The following PAPOLG variants were observed in gnomAD, a reference collection of about 807,000 sequenced individuals.
PAPOLG encodes PAP-gamma.
A neutral mutation model predicts 99.0 loss-of-function variants in PAPOLG; 40 were observed. The ratio of observed to expected loss-of-function variants is 0.40; its 90% CI spans 0.31 to 0.53. The LOEUF (loss-of-function observed/expected upper bound fraction) is 0.53, where lower values mean the gene tolerates loss of function less well. Ranked by LOEUF, PAPOLG falls within the 20% of genes least tolerant of loss-of-function variation. The pLI is 0.41. For synonymous variants in PAPOLG, 310 were observed against 299.3 expected, an observed-to-expected ratio of 1.04 and a Z score of -0.37; for missense variants, 675 against 884.1, an observed-to-expected ratio of 0.76 and a Z score of 3.00.
chr2:60,768,975 C>T (rs1299146739), intron 5 of PAPOLG, 85 bp downstream of exon 5: 2 of 1,009,482 alleles, frequency 2.0e-6, no homozygotes, highest in East Asian at 2.7e-5. Flanking sequence ...TATTGAAATA[C>T]CTTCTAAGTT....
chr2:60,771,742 T>G (rs1670857189), intron 7 of PAPOLG, 112 bp downstream of exon 7: 1 of 1,165,206 alleles, frequency 8.6e-7, no homozygotes, highest in Non-Finnish European at 1.2e-6. Flanking sequence ...GTTTAAAATG[T>G]AATTTTCCTT....
At chr2:60,758,458 G>A (rs528189054) in intron 1 of PAPOLG, among the ~76,000 whole-genome samples, 10 of 122,516 alleles carry the variant, frequency 8.2e-5, no homozygotes, top group African/African-American at 3.2e-4. Flanking sequence ...ACGGAGTTTC[G>A]CTCTTGTTGC....
In PAPOLG at chr2:60,764,780, T is replaced by C. The variant is rs374015448; in HGVS notation, c.246+2973T>C. Among the ~76,000 whole-genome samples the C allele has an allele frequency of 3.9e-5, 6 of 152,162 alleles. No homozygotes were observed. In the East Asian group the frequency reaches 1.2e-3, roughly 29 times the overall value. The stretch of plus-strand genomic sequence containing the variant: ...TTTTTTTCTGTAGCTATGATGAATA[T>C]GTAGAATTGGTTCTTTTAAACAGTG... On this transcript the variant is annotated intron_variant, in intron 3 of 21. Transcript: ENST00000238714.
At chr2:60,794,375 T>G in intron 19 of PAPOLG, 184 bp downstream of exon 19, 1 of 666,098 alleles carries the variant, frequency 1.5e-6, no homozygotes, top group Non-Finnish European at 2.5e-6. Context: ...GTCTGAAAAT[T>G]TGAATGATTG....
At chr2:60,760,110 C>T (rs1245297820) in intron 1 of PAPOLG, 24 bp from the exon 2 acceptor site, 1 of 1,605,074 alleles carries the variant, frequency 6.2e-7, no homozygotes, top group African/African-American at 1.3e-5. Flanking sequence ...TTTTTTGTTT[C>T]ATTTTTCTTA....
chr2:60,794,301 A>G, intron 19 of PAPOLG, 110 bp downstream of exon 19: 1 of 1,092,538 alleles, frequency 9.2e-7, no homozygotes, highest in South Asian at 1.8e-5. Flanking sequence ...GGCTGAAAAG[A>G]ATATTTACCC....
intron 7 of PAPOLG, 115 bp from the exon 8 acceptor site, chr2:60,774,919 C>G: frequency 6.7e-7 from 1 of 1,492,758 alleles, no homozygotes; most frequent in Non-Finnish European, 8.9e-7. Flanking sequence ...AAATAAGCCC[C>G]AATGTTTTAT....
chr2:60,756,808 C>T (rs909303931), intron 1 of PAPOLG, among the ~76,000 whole-genome samples: 1 of 151,884 alleles, frequency 6.6e-6, no homozygotes, highest in African/African-American at 2.4e-5. Flanking sequence ...CTCGCCTGCC[C>T]CCAGCACTGT....
chr2:60,770,649 G>C, intron 6 of PAPOLG, 138 bp downstream of exon 6: 1 of 550,862 alleles, frequency 1.8e-6, no homozygotes, highest in Non-Finnish European at 3.1e-6. Context: ...GAAGAGATGG[G>C]GTCTAACTCT....
intron 8 of PAPOLG, among the ~76,000 whole-genome samples, chr2:60,775,577 AT>A (rs1200654006): frequency 6.6e-6 from 1 of 152,146 alleles, no homozygotes; most frequent in Non-Finnish European, 1.5e-5. Flanking sequence ...TATATAGTTT[AT>A]ATATTTAGGT....
At chr2:60,772,930 CTTTTCTT>C (rs1670899528) in intron 7 of PAPOLG, among the ~76,000 whole-genome samples, 1 of 151,304 alleles carries the variant, frequency 6.6e-6, no homozygotes, top group Non-Finnish European at 1.5e-5. Context: ...CTTTTCTTTT[CTTTTCTT>C]TTTTTTGAGA....
chr2:60,764,336 C>A (rs1670609833), intron 3 of PAPOLG, among the ~76,000 whole-genome samples: 1 of 152,078 alleles, frequency 6.6e-6, no homozygotes, highest in South Asian at 2.1e-4. Context: ...TTAAAACTCA[C>A]AGTTGTCAGT....
Position 60,794,362 on chromosome 2 carries a change from T to TA in PAPOLG, c.1989+172dup, listed in dbSNP as rs1353436045. On this transcript the variant is annotated intron_variant, in intron 19 of 21. Transcript: ENST00000238714. Reference sequence around the variant, plus strand: ...GCTCATCCTAAATTGAAATTACTAATACGTCTGAAAATTTGAATGATTGGT... The same window carrying TA: ...GCTCATCCTAAATTGAAATTACTAATAACGTCTGAAAATTTGAATGATTGGT... 15 of 717,136 alleles carry TA rather than the reference T, an allele frequency of 2.1e-5. No homozygotes were observed. In the African/African-American group the frequency reaches 2.7e-4, roughly 13 times the overall value. The allele number at this position is 717,136 out of a possible 1,614,324, so 44.4% of individuals were successfully genotyped here.
chr2:60,791,966 C>T (rs1444252003), intron 16 of PAPOLG, 84 bp downstream of exon 16: 6 of 1,502,178 alleles, frequency 4.0e-6, no homozygotes, highest in Non-Finnish European at 5.4e-6. Context: ...AGCTCCCAAA[C>T]CTATTGAGAA....
At chr2:60,783,046 T>G in intron 12 of PAPOLG, 110 bp from the exon 13 acceptor site, 1 of 1,007,398 alleles carries the variant, frequency 9.9e-7, no homozygotes, top group Non-Finnish European at 1.4e-6. Context: ...CTGTGTGCCT[T>G]TATTAGCTCA....
chr2:60,794,312 A>G, intron 19 of PAPOLG, 121 bp downstream of exon 19: 2 of 1,034,372 alleles, frequency 1.9e-6, no homozygotes, highest in Non-Finnish European at 2.7e-6. Flanking sequence ...ATATTTACCC[A>G]AATCTTAAAG....
intron 9 of PAPOLG, among the ~76,000 whole-genome samples, chr2:60,780,456 A>G (rs1193044057): frequency 6.6e-6 from 1 of 152,030 alleles, no homozygotes; most frequent in Non-Finnish European, 1.5e-5. Context: ...TTGTGTTTTT[A>G]GTAGAGACAG....
chr2:60,790,795 A>G (rs993239367), intron 15 of PAPOLG, among the ~76,000 whole-genome samples: 1 of 152,226 alleles, frequency 6.6e-6, no homozygotes, highest in Admixed American at 6.5e-5. Context: ...TGGCCTAAGA[A>G]TTAGCTTAGA....
In PAPOLG at chr2:60,799,186, C is replaced by T. The variant is rs1241784569; in HGVS notation, c.*2026C>T. ...CATTTCATATCTTTTGCTTTTAAATCAGCCTTCAAAGTATCTTTAGGAATT... is the reference window on the plus strand; with the variant it reads ...CATTTCATATCTTTTGCTTTTAAATTAGCCTTCAAAGTATCTTTAGGAATT... On this transcript the variant is annotated 3_prime_UTR_variant, in exon 22 of 22. Transcript: ENST00000238714. The T allele has an allele frequency of 6.6e-6, 1 of 152,354 alleles. No homozygotes were observed. The highest frequency in any genetic ancestry group is 2.4e-5 in the African/African-American group (1 of 41,442). The allele number at this position is 152,354 out of a possible 1,614,324, so 9.4% of individuals were successfully genotyped here. A position where few individuals can be genotyped will look rare whatever the true frequency, so the allele number is the denominator to read the frequency against.
Sources: gnomAD v4.1 joint callset for allele counts (sites outside exome capture counted in the v4.1 genomes callset) on GRCh38, gnomAD v4.1.1 for gene constraint, MANE v1.5 for transcripts, NCBI Gene and HGNC (gene_info 2026-07-23, HGNC 2026-07-21) for gene names.